Variants in RDH13 observed in about 807,000 individuals in gnomAD.
RDH13 encodes the protein retinol dehydrogenase 13, also known as retinol dehydrogenase 13 (all-trans and 9-cis).
Under a neutral mutation model 28.3 loss-of-function variants are expected in RDH13, and 35 were observed. That is an observed-to-expected ratio of 1.24 (90% CI 0.95 to 1.64). The LOEUF (loss-of-function observed/expected upper bound fraction) is 1.64, where lower values mean the gene tolerates loss of function less well. Ranked by LOEUF, RDH13 falls within the 40% of genes most tolerant of loss-of-function variation. RDH13 has a pLI of 0.00. For synonymous variants in RDH13, 229 were observed against 198.5 expected (o/e 1.15, Z -1.29); for missense variants, 514 against 446.3 (o/e 1.15, Z -1.37).
upstream of RDH13, chr19:55,063,163 C>A: frequency 1.2e-6 from 1 of 850,496 alleles, no homozygotes; most frequent in Non-Finnish European, 1.6e-6. Flanking sequence ...GCGGCTGGGC[C>A]CGCGTCCGGA....
upstream of RDH13, among the ~76,000 whole-genome samples, chr19:55,066,552 C>CCT (rs78446669): frequency 0.72 from 105,636 of 145,780 alleles, 38,387 homozygotes; most frequent in African/African-American, 0.75. Flanking sequence ...CCTCTCTCTT[C>CCT]CTCTCTCCCT....
intron 3 of RDH13, among the ~76,000 whole-genome samples, chr19:55,049,404 C>A (rs139800739): frequency 3.9e-5 from 6 of 152,308 alleles, no homozygotes; most frequent in African/African-American, 1.2e-4. Flanking sequence ...TCAGTTTCCT[C>A]AGCTGTAAAA....
chr19:55,057,073 C>G (rs2075662507), intron 2 of RDH13, among the ~76,000 whole-genome samples: 1 of 152,176 alleles, frequency 6.6e-6, no homozygotes, highest in Admixed American at 6.6e-5. Context: ...GGATGACCGT[C>G]AGAAACACTG....
At chr19:55,050,791 G>A (rs566473073) in intron 3 of RDH13, 5 of 152,160 alleles carry the variant, frequency 3.3e-5, no homozygotes, top group East Asian at 1.9e-4. Context: ...TAATGCTCCC[G>A]AAGTGGTTTT....
At chr19:55,045,431 C>T (rs1344904709) in intron 6 of RDH13, 122 bp from the exon 7 acceptor site, 1 of 675,216 alleles carries the variant, frequency 1.5e-6, no homozygotes, top group Non-Finnish European at 2.5e-6. Context: ...TAGCCCTTTC[C>T]CCTTGGCTGC....
rs2075160883 is a variant in RDH13, at chr19:55,045,045, C to T, written c.*29G>A. On this transcript the variant is annotated 3_prime_UTR_variant, in exon 7 of 7. Transcript: ENST00000415061. ...ACAGCTGTCCTCGGTCTGGAGGCGC[C>T]ATCCTGGCTTTCAAATCTGCTCCAG... 6.6e-7 allele frequency: 1 copy of T among 1,506,462 alleles called. No individual in the cohort carries two copies. The highest frequency in any genetic ancestry group is 1.4e-5 in the African/African-American group (1 of 71,928). 93.3% of individuals were successfully genotyped at this position (1,506,462 alleles called of 1,614,324 possible). A position where few individuals can be genotyped will look rare whatever the true frequency, so the allele number is the denominator to read the frequency against.
rs2075784555 is a variant in RDH13, at chr19:55,060,756, C to T, written c.66-1481G>A. Among the ~76,000 whole-genome samples the T allele has an allele frequency of 1.3e-5, 2 of 152,168 alleles. 1 individual carries two copies. Among genetic ancestry groups the T allele is most frequent in the Non-Finnish European group, 2.9e-5 (2 of 68,032 alleles). The stretch of plus-strand genomic sequence containing the variant: ...GGCTGAGGCACGAGAATTGCTTGAA[C>T]CTGGAAGGCGGAGGTTGCAGTGAGT... On this transcript the variant is annotated intron_variant, in intron 1 of 6. Transcript: ENST00000415061.
At chr19:55,068,304 G>A (rs980514008) in intron 1 of RDH13, 5 of 152,312 alleles carry the variant, frequency 3.3e-5, no homozygotes, top group African/African-American at 1.2e-4. Context: ...GAGAGGCCAA[G>A]GCAGGCAGAT....
At position 55,059,238 on chromosome 19, in the gene RDH13, T is replaced by G. The variant is rs1213474463; in HGVS notation, c.103A>C (p.Thr35Pro). 6.2e-7 allele frequency: 1 copy of G among 1,604,354 alleles called. No individual in the cohort carries two copies. The highest frequency in any genetic ancestry group is 8.5e-7 in the Non-Finnish European group (1 of 1,175,604). ...VTGGACPSKA[T>P]IPGKTVIVTG... ...ACGATGACCGTCTTCCCAGGGATGGTGGCCTTGCTGGGGCAAGCCCCACCG... is the reference window on the plus strand; with the variant it reads ...ACGATGACCGTCTTCCCAGGGATGGGGGCCTTGCTGGGGCAAGCCCCACCG... Residue 35 changes from threonine (T) to proline (P), a missense_variant, in exon 2 of 7, where the codon ACC (threonine) becomes CCC (proline). Physicochemically the swap from Thr to Pro is conservative, Grantham distance 38 (BLOSUM62 -1). Coordinates refer to ENST00000415061, the MANE Select transcript of RDH13 (RefSeq NM_001145971.2).
chr19:55,052,667 T>G (rs775829), intron 3 of RDH13, among the ~76,000 whole-genome samples: 69,220 of 139,990 alleles, frequency 0.49, 16,160 homozygotes, highest in East Asian at 0.59. Context: ...TCATTGTTTT[T>G]TATTTTTTTT....
At chr19:55,042,391 T>A (rs916799574), downstream of RDH13, 4 of 152,026 alleles carry the variant, frequency 2.6e-5, no homozygotes, top group African/African-American at 7.3e-5. Flanking sequence ...GCCCCCTTGG[T>A]TCAAGCAGTT....
At position 55,044,926 on chromosome 19, in the gene RDH13, C is replaced by T. The variant is rs571279883; in HGVS notation, c.*148G>A. On this transcript the variant is annotated 3_prime_UTR_variant, in exon 7 of 7. Transcript: ENST00000415061. ...TCACCTGCAGGCCAGTCCACTGCGG[C>T]CAGCACCGCCCCCTAGAACCTACTG... 3.8e-5 allele frequency: 24 copies of T among 624,746 alleles called. 2 individuals are homozygous for T. In the South Asian group the frequency reaches 4.2e-4, roughly 11 times the overall value. 38.7% of individuals were successfully genotyped at this position (624,746 alleles called of 1,614,324 possible). A position where few individuals can be genotyped will look rare whatever the true frequency, so the allele number is the denominator to read the frequency against.
At chr19:55,052,542 TAAAAAAA>T (rs35692980) in intron 3 of RDH13, among the ~76,000 whole-genome samples, 2 of 132,442 alleles carry the variant, frequency 1.5e-5, no homozygotes, top group African/African-American at 2.7e-5. Flanking sequence ...AACTCCGTCT[TAAAAAAA>T]AAAAAAAAAA....
chr19:55,069,019 C>T (rs1346494501), intron 1 of RDH13, among the ~76,000 whole-genome samples: 3 of 137,470 alleles, frequency 2.2e-5, no homozygotes, highest in Non-Finnish European at 4.7e-5. Context: ...GTGAAGTCAC[C>T]GGCTCCAACC....
intron 2 of RDH13, among the ~76,000 whole-genome samples, chr19:55,058,234 C>T (rs2075699045): frequency 6.6e-6 from 1 of 151,660 alleles, no homozygotes; most frequent in Non-Finnish European, 1.5e-5. Flanking sequence ...CAACACATTA[C>T]AAACTTAGCT....
intron 3 of RDH13, among the ~76,000 whole-genome samples, chr19:55,050,102 C>A (rs2075379235): frequency 9.6e-6 from 1 of 104,688 alleles, no homozygotes; most frequent in African/African-American, 3.0e-5. Context: ...AATTTCACTG[C>A]CCCCAGCCTA....
At chr19:55,040,497 A>G (rs964375909), downstream of RDH13, 5 of 152,194 alleles carry the variant, frequency 3.3e-5, no homozygotes, top group Non-Finnish European at 5.9e-5. Context: ...AATGAGAACT[A>G]TCAGGGTGTT....
At chr19:55,048,987 A>G (rs2075337973) in intron 3 of RDH13, among the ~76,000 whole-genome samples, 1 of 152,094 alleles carries the variant, frequency 6.6e-6, no homozygotes, top group Non-Finnish European at 1.5e-5. Flanking sequence ...ACACATGGGG[A>G]GAAGGCCATG....
Position 55,062,965 on chromosome 19 carries a change from C to G in RDH13, c.65+3G>C, listed in dbSNP as rs755546253. 6.7e-7 allele frequency: 1 copy of G among 1,482,136 alleles called. No homozygotes were observed. The allele number at this position is 1,482,136 out of a possible 1,614,324, so 91.8% of individuals were successfully genotyped here. A position where few individuals can be genotyped will look rare whatever the true frequency, so the allele number is the denominator to read the frequency against. ...CGCGCACGCGGGGCTAGAATGTACT[C>G]ACTTGAGCAGCACGGCGGCGCCTGC... On this transcript the variant is annotated splice_donor_region_variant and intron_variant, in intron 1 of 6. Transcript: ENST00000415061.
Sources: gnomAD v4.1 joint callset for allele counts (sites outside exome capture counted in the v4.1 genomes callset) on GRCh38, gnomAD v4.1.1 for gene constraint, MANE v1.5 for transcripts, NCBI Gene and HGNC (gene_info 2026-07-23, HGNC 2026-07-21) for gene names.